The following JAK1 variants were observed in gnomAD, a reference collection of about 807,000 sequenced individuals.
JAK1 encodes Janus kinase 1.
In JAK1, 16 loss-of-function variants were observed where a neutral mutation model predicts 136.6. The ratio of observed to expected loss-of-function variants is 0.12; its 90% CI spans 0.08 to 0.18. JAK1 has a LOEUF of 0.18. Ranked by LOEUF, JAK1 falls within the 10% of genes least tolerant of loss-of-function variation. The pLI, the probability that JAK1 is intolerant of heterozygous loss-of-function variation, is 1.00. For missense variants in JAK1, 859 were observed against 1,450.1 expected (o/e 0.59, Z 6.62); for synonymous variants, 492 against 519.5 (o/e 0.95, Z 0.72).
intron 2 of JAK1, among the ~76,000 whole-genome samples, chr1:65,038,918 G>A (rs1239762222): frequency 1.4e-5 from 2 of 146,878 alleles, no homozygotes; most frequent in East Asian, 2.0e-4. Context: ...GATTACAGGC[G>A]TGAGCCACCG....
intron 1 of JAK1, among the ~76,000 whole-genome samples, chr1:64,939,735 C>G (rs1645854637): frequency 6.6e-6 from 1 of 152,118 alleles, no homozygotes; most frequent in Admixed American, 6.5e-5. Context: ...TGGTTTCATT[C>G]TGCACTCTGA....
chr1:65,035,721 T>G (rs1647066549), intron 2 of JAK1, among the ~76,000 whole-genome samples: 1 of 152,128 alleles, frequency 6.6e-6, no homozygotes, highest in Non-Finnish European at 1.5e-5. Context: ...TATCACACAT[T>G]CCAAAGGACA....
intron 2 of JAK1, chr1:65,002,527 A>G (rs1467251220): frequency 6.6e-6 from 1 of 152,250 alleles, no homozygotes; most frequent in Non-Finnish European, 1.5e-5. Context: ...AAGGATAGTG[A>G]CATAAGTGAT....
intron 2 of JAK1, among the ~76,000 whole-genome samples, chr1:65,021,059 A>G (rs1031935179): frequency 3.9e-5 from 6 of 152,240 alleles, no homozygotes; most frequent in Non-Finnish European, 7.4e-5. Flanking sequence ...CCCTCTCCCA[A>G]TCTTCTGTCT....
rs530633246 is a variant in JAK1 at position 64,996,274 on chromosome 1, C to T, written c.-78+48206G>A. The stretch of plus-strand genomic sequence containing the variant: ...CATCATGCCCACCCTAGTTAAGGCT[C>T]CTTTAAAGCAGACTCAGACTGAGCC... On this transcript the variant is annotated intron_variant, in intron 2 of 25. Coordinates refer to the JAK1 transcript ENST00000671954. 2.0e-5 allele frequency among the ~76,000 whole-genome samples: 3 copies of T among 152,294 alleles called. No homozygotes were observed. The East Asian group carries it at 5.8e-4, about 29-fold the overall frequency.
intron 1 of JAK1, among the ~76,000 whole-genome samples, chr1:64,916,794 G>A (rs1645404339): frequency 6.6e-6 from 1 of 150,828 alleles, no homozygotes; most frequent in Non-Finnish European, 1.5e-5. Context: ...CCGAGATTCT[G>A]CCGCTGAACT....
intron 2 of JAK1, among the ~76,000 whole-genome samples, chr1:64,982,345 C>T (rs1440691225): frequency 1.3e-5 from 2 of 152,150 alleles, no homozygotes; most frequent in Non-Finnish European, 2.9e-5. Flanking sequence ...AGCTGACTCA[C>T]ACAAGAGCAG....
rs1646871437 is a variant in JAK1 at position 65,013,885 on chromosome 1, C to CTAT, written c.-78+30592_-78+30594dup. Among the ~76,000 whole-genome samples, 8 of 152,212 alleles carry CTAT rather than the reference C, an allele frequency of 5.3e-5. No individual in the cohort carries two copies. The South Asian group carries it at 1.7e-3, about 32-fold the overall frequency. ...GACACAGATTATAAAATTATGCCTA[C>CTAT]TATTGTTAAAGAAATAAAAGATGAG... On this transcript the variant is annotated intron_variant, in intron 2 of 25. Transcript: ENST00000671954.
intron 2 of JAK1, chr1:64,995,059 G>GAA (rs1646692727): frequency 6.6e-6 from 1 of 151,768 alleles, no homozygotes; most frequent in East Asian, 1.9e-4. Flanking sequence ...TTTATTTTAG[G>GAA]CTGTTGATAA....
chr1:64,882,099 T>C lies in JAK1; in HGVS notation c.205+1178A>G, dbSNP rs74080795. ...ATTACTGGATTTTTCCCACTAATAA[T>C]CTATACACCTCAGCCCATTTTATTC... On this transcript the variant is annotated intron_variant, in intron 3 of 24. Transcript: ENST00000342505. Among the ~76,000 whole-genome samples, 420 of 152,324 alleles carry C rather than the reference T, an allele frequency of 2.8e-3. 3 individuals carry two copies. Among genetic ancestry groups the C allele is most frequent in the African/African-American group, 9.8e-3 (406 of 41,576 alleles).
intron 1 of JAK1, among the ~76,000 whole-genome samples, chr1:64,929,833 C>CA (rs1468324272): frequency 6.6e-6 from 1 of 152,070 alleles, no homozygotes; most frequent in Non-Finnish European, 1.5e-5. Flanking sequence ...CCAAAACAGA[C>CA]ATATAGACAA....
intron 1 of JAK1, among the ~76,000 whole-genome samples, chr1:64,939,923 G>A (rs1396103337): frequency 6.6e-6 from 1 of 152,174 alleles, no homozygotes; most frequent in Non-Finnish European, 1.5e-5. Context: ...TTGTAATAGT[G>A]CTAAGTTTCA....
intron 1 of JAK1, among the ~76,000 whole-genome samples, chr1:64,895,929 T>G (rs986168236): frequency 2.0e-5 from 3 of 152,184 alleles, no homozygotes; most frequent in Admixed American, 1.3e-4. Flanking sequence ...CTGTGCAAAA[T>G]TTTCAGTGTA....
At chr1:64,888,111 G>C (rs1365717963) in intron 1 of JAK1, among the ~76,000 whole-genome samples, 1 of 152,144 alleles carries the variant, frequency 6.6e-6, no homozygotes, top group African/African-American at 2.4e-5. Flanking sequence ...AGTTCCACCA[G>C]GCCCAGGCTC....
At chr1:64,886,401 G>C (rs576667142) in intron 1 of JAK1, 60 bp from the exon 2 acceptor site, 5 of 964,976 alleles carry the variant, frequency 5.2e-6, no homozygotes, top group Non-Finnish European at 5.8e-6. Context: ...GAAAATAAGA[G>C]GGCATTTTCA....
chr1:65,014,464 AAGG>A (rs199564449), intron 2 of JAK1, among the ~76,000 whole-genome samples: 4,693 of 151,966 alleles, frequency 0.031, 185 homozygotes, highest in Admixed American at 0.13. Context: ...AAAGGAAAGA[AAGG>A]AGAAAAAGAA....
chr1:64,847,469 T>C lies in JAK1; in HGVS notation c.1899+63A>G, dbSNP rs768943189. The C allele has an allele frequency of 4.3e-4, 687 of 1,592,138 alleles. 1 individual carries two copies. Among genetic ancestry groups the C allele is most frequent in the Non-Finnish European group, 5.6e-4 (653 of 1,163,062 alleles). ...AAGGGCAAGGGTTCTTCTCAACCCA[T>C]TGTGTTCCACTGGCTCCAGAAACGG... On this transcript the variant is annotated intron_variant, in intron 13 of 24. Coordinates refer to ENST00000342505, the MANE Select transcript of JAK1 (RefSeq NM_002227.4).
At chr1:64,965,627 A>G (rs1409676100) in intron 1 of JAK1, among the ~76,000 whole-genome samples, 1 of 152,154 alleles carries the variant, frequency 6.6e-6, no homozygotes, top group East Asian at 1.9e-4. Flanking sequence ...TCGGTTAATC[A>G]GTCCCTTTCC....
chr1:64,919,325 G>A (rs1204948146), intron 1 of JAK1, among the ~76,000 whole-genome samples: 1 of 152,244 alleles, frequency 6.6e-6, no homozygotes, highest in African/African-American at 2.4e-5. Context: ...CTTCATCCAT[G>A]TCCCTACAAA....
Sources: allele counts gnomAD v4.1 joint callset (sites outside exome capture counted in the v4.1 genomes callset), GRCh38; gene constraint gnomAD v4.1.1; transcripts MANE v1.5; gene names NCBI Gene and HGNC (gene_info 2026-07-23, HGNC 2026-07-21).